The following PROX1 variants were observed in gnomAD, a reference collection of about 807,000 sequenced individuals.
PROX1 encodes prospero homeobox 1, also known as prospero homeobox protein 1.
A neutral mutation model predicts 58.8 loss-of-function variants in PROX1; 7 were observed. The ratio of observed to expected loss-of-function variants is 0.12; its 90% CI spans 0.07 to 0.22. The LOEUF is 0.22. Ranked by LOEUF, PROX1 falls within the 10% of genes least tolerant of loss-of-function variation. The probability of loss-of-function intolerance (pLI) is 1.00; values close to 1 mark genes in which losing one functional copy is unlikely to be tolerated. For synonymous variants in PROX1, 350 were observed against 358.3 expected (o/e 0.98, Z 0.26); for missense variants, 675 against 927.8 (o/e 0.73, Z 3.54).
intron 4 of PROX1, among the ~76,000 whole-genome samples, chr1:214,014,271 G>T (rs1664018546): frequency 6.6e-6 from 1 of 152,216 alleles, no homozygotes; most frequent in South Asian, 2.1e-4. Flanking sequence ...TTGTATTTAA[G>T]TTTCTCCTCT....
At chr1:213,986,421 A>G (rs1211169744), upstream of PROX1, 1 of 152,120 alleles carries the variant, frequency 6.6e-6, no homozygotes, top group Non-Finnish European at 1.5e-5. Context: ...ACATACTAAC[A>G]TCGCTATTCT....
At chr1:213,994,778 T>A (rs796267243) in intron 1 of PROX1, among the ~76,000 whole-genome samples, 1 of 56,058 alleles carries the variant, frequency 1.8e-5, no homozygotes, top group Admixed American at 2.3e-4. Flanking sequence ...TATATATATA[T>A]ATATATATAT....
intron 1 of PROX1, among the ~76,000 whole-genome samples, chr1:213,994,799 A>ATATATATC (rs1558167642): frequency 5.9e-5 from 7 of 119,598 alleles, no homozygotes; most frequent in African/African-American, 2.1e-4. Flanking sequence ...ATATATATAT[A>ATATATATC]TATAAAGAGG....
In PROX1 at chr1:214,039,831, A is replaced by AC. The variant is rs71165945; in HGVS notation, c.*3997_*3998insC. On this transcript the variant is annotated 3_prime_UTR_variant, in exon 5 of 5. Transcript: ENST00000366958. Reference sequence around the variant, plus strand: ...CACACACACACACACACACACACACAAACACACACACTGTCATAAAGCTAA... The same window carrying AC: ...CACACACACACACACACACACACACACAACACACACACTGTCATAAAGCTAA... 6,990 of 139,852 alleles carry AC rather than the reference A, an allele frequency of 0.05. 288 individuals carry two copies. Among genetic ancestry groups the AC allele is most frequent in the Admixed American group, 0.14 (2,061 of 14,704 alleles). 8.7% of individuals were successfully genotyped at this position (139,852 alleles called of 1,614,324 possible). A position where few individuals can be genotyped will look rare whatever the true frequency, so the allele number is the denominator to read the frequency against.
At chr1:214,023,981 G>C (rs1393703174) in intron 4 of PROX1, among the ~76,000 whole-genome samples, 1 of 152,172 alleles carries the variant, frequency 6.6e-6, no homozygotes, top group East Asian at 1.9e-4. Context: ...CTTTCATTTA[G>C]AGCATCCACT....
At chr1:214,018,549 GAACCGTCTATTA>G (rs1476647129) in intron 4 of PROX1, among the ~76,000 whole-genome samples, 1 of 152,152 alleles carries the variant, frequency 6.6e-6, no homozygotes, top group African/African-American at 2.4e-5. Flanking sequence ...AGGAAAAAGA[GAACCGTCTATTA>G]ATGATCATTA....
At chr1:213,987,642 T>C (rs1439198038), upstream of PROX1, 1 of 136,838 alleles carries the variant, frequency 7.3e-6, no homozygotes, top group Non-Finnish European at 1.6e-5. Context: ...CTTTGCATAG[T>C]GCCCGCAGAT....
intron 4 of PROX1, among the ~76,000 whole-genome samples, chr1:214,019,759 C>T (rs181901386): frequency 5.6e-4 from 85 of 152,304 alleles, no homozygotes; most frequent in African/African-American, 1.9e-3. Flanking sequence ...TTCTTTGTTG[C>T]GTTGGCAAAT....
At chr1:213,999,382 A>G (rs767707393) in intron 2 of PROX1, among the ~76,000 whole-genome samples, 9 of 152,234 alleles carry the variant, frequency 5.9e-5, no homozygotes, top group Non-Finnish European at 1.3e-4. Context: ...CTGTGACTAA[A>G]TTTAGGATTT....
chr1:214,002,415 T>TTTTC (rs1663555336), intron 2 of PROX1, among the ~76,000 whole-genome samples: 2 of 147,540 alleles, frequency 1.4e-5, no homozygotes, highest in East Asian at 1.9e-4. Context: ...CTTTTTTCTT[T>TTTTC]TTTTTTTTTT....
At chr1:214,033,457 G>A (rs1192461120) in intron 4 of PROX1, among the ~76,000 whole-genome samples, 1 of 152,124 alleles carries the variant, frequency 6.6e-6, no homozygotes, top group Non-Finnish European at 1.5e-5. Flanking sequence ...AGTTAGCCAG[G>A]CGTGATGGCA....
At chr1:213,985,003 C>T (rs1662791128), upstream of PROX1, 2 of 152,242 alleles carry the variant, frequency 1.3e-5, no homozygotes, top group Non-Finnish European at 2.9e-5. Context: ...GTATTTAACC[C>T]AGAACCAGAT....
chr1:214,007,478 T>C (rs1216450312), intron 3 of PROX1, among the ~76,000 whole-genome samples: 1 of 152,236 alleles, frequency 6.6e-6, no homozygotes, highest in Non-Finnish European at 1.5e-5. Flanking sequence ...TTTTCTTTGG[T>C]TAGTAATAAA....
intron 4 of PROX1, among the ~76,000 whole-genome samples, chr1:214,025,591 T>A (rs1664422852): frequency 6.6e-6 from 1 of 152,032 alleles, no homozygotes; most frequent in Non-Finnish European, 1.5e-5. Flanking sequence ...CGGCTGAAGG[T>A]TTTTTCTCTT....
intron 2 of PROX1, among the ~76,000 whole-genome samples, chr1:214,001,761 T>C (rs1663519108): frequency 6.6e-6 from 1 of 152,122 alleles, no homozygotes; most frequent in Non-Finnish European, 1.5e-5. Context: ...GTGGAGGCTA[T>C]AGTACTTATA....
In PROX1 at chr1:214,038,402, T is replaced by TA. The variant is rs2102794528; in HGVS notation, c.*2570dup. On this transcript the variant is annotated 3_prime_UTR_variant, in exon 5 of 5. Coordinates refer to ENST00000366958, the MANE Select transcript of PROX1 (RefSeq NM_001270616.2). ...ATTTAACAGTTTGATTTTTTTTTTT[T>TA]AATCACCATCTTTCAAATCTTAGCT... 1 of 152,236 alleles carries TA rather than the reference T, an allele frequency of 6.6e-6. No individual in the cohort carries two copies. The highest frequency in any genetic ancestry group is 2.1e-4 in the South Asian group (1 of 4,826). 9.4% of individuals were successfully genotyped at this position (152,236 alleles called of 1,614,324 possible).
chr1:213,996,493 C>G lies in PROX1; in HGVS notation c.-43C>G, dbSNP rs756867574. 1.3e-6 allele frequency: 2 copies of G among 1,569,294 alleles called. No homozygotes were observed. Among genetic ancestry groups the G allele is most frequent in the Non-Finnish European group, 1.7e-6 (2 of 1,155,238 alleles). On this transcript the variant is annotated 5_prime_UTR_variant, in exon 2 of 5. Transcript: ENST00000366958. ...GGGTCCCGGGATTCTTGAGCTGTGC[C>G]CAGCTGACGAGCTTTTGAAGATGGC...
intron 3 of PROX1, 45 bp downstream of exon 3, chr1:214,005,317 T>A: frequency 6.8e-7 from 1 of 1,464,026 alleles, no homozygotes; most frequent in Non-Finnish European, 9.5e-7. Context: ...TCTATGCATG[T>A]GGCAGTAATT....
At chr1:214,018,134 C>T (rs1289617486) in intron 4 of PROX1, among the ~76,000 whole-genome samples, 1 of 152,148 alleles carries the variant, frequency 6.6e-6, no homozygotes, top group African/African-American at 2.4e-5. Flanking sequence ...AAAGCTTGTT[C>T]GAAGTTGGCC....
Sources: gnomAD v4.1 joint callset for allele counts (sites outside exome capture counted in the v4.1 genomes callset) on GRCh38, gnomAD v4.1.1 for gene constraint, MANE v1.5 for transcripts, NCBI Gene and HGNC (gene_info 2026-07-23, HGNC 2026-07-21) for gene names.